Variants in LYPD6B observed in about 807,000 individuals in gnomAD.
LYPD6B encodes LY6/PLAUR domain containing 6B, also known as ly6/PLAUR domain-containing protein 6B.
A neutral mutation model predicts 22.8 loss-of-function variants in LYPD6B; 17 were observed. The observed-to-expected ratio is 0.75, with a 90% CI of 0.51 to 1.12. The LOEUF (loss-of-function observed/expected upper bound fraction) is 1.12, where lower values mean the gene tolerates loss of function less well. Ranked by LOEUF, LYPD6B falls within the 50% of genes most tolerant of loss-of-function variation. The probability of loss-of-function intolerance (pLI) is 0.00; values close to 1 mark genes in which losing one functional copy is unlikely to be tolerated. For missense variants in LYPD6B, 221 were observed against 258.3 expected, an observed-to-expected ratio of 0.86 and a Z score of 0.99; for synonymous variants, 106 against 91.6, an observed-to-expected ratio of 1.16 and a Z score of -0.90.
At chr2:149,156,579 T>C (rs906986142) in intron 2 of LYPD6B, among the ~76,000 whole-genome samples, 7 of 152,202 alleles carry the variant, frequency 4.6e-5, no homozygotes, top group Non-Finnish European at 7.3e-5. Context: ...CTGTGGATGG[T>C]CTTCTCCCTG....
intron 3 of LYPD6B, among the ~76,000 whole-genome samples, chr2:149,199,819 C>A (rs999968603): frequency 6.6e-6 from 1 of 152,184 alleles, no homozygotes; most frequent in Admixed American, 6.5e-5. Flanking sequence ...GGGTTCCCAA[C>A]GCCCAGGGAA....
intron 1 of LYPD6B, among the ~76,000 whole-genome samples, chr2:149,048,814 C>T (rs1237459716): frequency 6.6e-6 from 1 of 152,106 alleles, no homozygotes; most frequent in African/African-American, 2.4e-5. Flanking sequence ...TTGTAAAATA[C>T]TGGTGTCGTT....
At chr2:149,117,305 C>G (rs1015200676) in intron 1 of LYPD6B, among the ~76,000 whole-genome samples, 2 of 148,994 alleles carry the variant, frequency 1.3e-5, no homozygotes, top group Non-Finnish European at 2.9e-5. Context: ...GAGTCTCCCT[C>G]TGTCGCTCAG....
chr2:149,143,513 C>CAAA (rs201618713), intron 2 of LYPD6B, among the ~76,000 whole-genome samples: 13 of 129,776 alleles, frequency 1.0e-4, no homozygotes, highest in African/African-American at 3.1e-4. Context: ...ACATGTGACG[C>CAAA]AAAAAAAAAA....
chr2:149,176,820 C>T (rs10183565), intron 3 of LYPD6B, among the ~76,000 whole-genome samples: 26,547 of 152,132 alleles, frequency 0.17, 2,472 homozygotes, highest in East Asian at 0.35. Flanking sequence ...TTCTAAAAGA[C>T]GTCCCATGCA....
At position 149,186,580 on chromosome 2, in the gene LYPD6B, G is replaced by C. The variant is rs116582928; in HGVS notation, c.78-18673G>C. 2.4e-3 allele frequency among the ~76,000 whole-genome samples: 367 copies of C among 152,302 alleles called. 1 individual carries two copies. The highest frequency in any genetic ancestry group is 8.4e-3 in the African/African-American group (348 of 41,570). The stretch of plus-strand genomic sequence containing the variant: ...CTAGCTAAGATCATTGATGAAGGTA[G>C]TTACACTAAACAACAGTTTTTTGTT... On this transcript the variant is annotated intron_variant, in intron 3 of 6. Transcript: ENST00000409642.
At chr2:149,120,315 A>G (rs201067297) in intron 1 of LYPD6B, among the ~76,000 whole-genome samples, 9 of 114,388 alleles carry the variant, frequency 7.9e-5, no homozygotes, top group East Asian at 4.0e-4. Context: ...ATATATGTGT[A>G]TATATATGTG....
chr2:149,067,382 A>T (rs1224370628), intron 1 of LYPD6B, among the ~76,000 whole-genome samples: 1 of 152,140 alleles, frequency 6.6e-6, no homozygotes, highest in Non-Finnish European at 1.5e-5. Context: ...ATCTTTTAAA[A>T]AGTTGTTTTC....
At chr2:149,147,867 C>T (rs564462730) in intron 2 of LYPD6B, among the ~76,000 whole-genome samples, 4 of 148,534 alleles carry the variant, frequency 2.7e-5, no homozygotes, top group Non-Finnish European at 4.4e-5. Context: ...GTAGGGCAGG[C>T]TTGGCTGATT....
intron 3 of LYPD6B, chr2:149,200,755 T>C (rs779446446): frequency 3.9e-5 from 6 of 152,224 alleles, no homozygotes; most frequent in Non-Finnish European, 8.8e-5. Context: ...AGGTGGGGTT[T>C]CCTAAATTTA....
chr2:149,145,004 C>T (rs141206024), intron 2 of LYPD6B, among the ~76,000 whole-genome samples: 307 of 152,192 alleles, frequency 2.0e-3, no homozygotes, highest in African/African-American at 7.1e-3. Context: ...CCTGAGAACC[C>T]CCTAAACTGA....
chr2:149,196,993 A>G (rs999819083), intron 3 of LYPD6B, among the ~76,000 whole-genome samples: 1 of 152,214 alleles, frequency 6.6e-6, no homozygotes, highest in Non-Finnish European at 1.5e-5. Context: ...GCTGCAGGAC[A>G]TTTCAGCCTC....
intron 2 of LYPD6B, among the ~76,000 whole-genome samples, chr2:149,159,358 T>C (rs543540974): frequency 6.6e-6 from 1 of 152,334 alleles, no homozygotes; most frequent in East Asian, 1.9e-4. Flanking sequence ...CTTCTTTGCT[T>C]TGGCTACTAG....
At chr2:149,039,204 T>C (rs1682953504) in intron 1 of LYPD6B, among the ~76,000 whole-genome samples, 1 of 152,310 alleles carries the variant, frequency 6.6e-6, no homozygotes, top group Admixed American at 6.5e-5. Flanking sequence ...AGGCCGATCG[T>C]GGGGCCAAGA....
At position 149,205,269 on chromosome 2, in the gene LYPD6B, C is replaced by T. The variant is rs556085635; in HGVS notation, c.94C>T (p.Arg32Cys). Residue 32 changes from arginine to cysteine, a missense_variant, in exon 4 of 7, where the codon CGC becomes TGC. By Grantham distance (180) the Arg-to-Cys change is radical (BLOSUM62 -3). Transcript: ENST00000409642. ...FSFSRYKSSD[R>C]PAHKVSMLLL... ...TCACCATAGATATAAGAGTTCGGAC[C>T]GCCCAGCACACAAGGTCAGCATGCT... 233 of 1,612,302 alleles carry T rather than the reference C, an allele frequency of 1.4e-4. 1 individual carries two copies. The South Asian group carries it at 2.0e-3, about 13-fold the overall frequency.
chr2:149,130,848 GT>G (rs1395701953), intron 1 of LYPD6B, 34 bp from the exon 2 acceptor site: 6 of 892,024 alleles, frequency 6.7e-6, no homozygotes, highest in Non-Finnish European at 1.1e-5. Flanking sequence ...TATAATATCA[GT>G]CATAATGATA....
At chr2:149,160,857 A>G in intron 3 of LYPD6B, 22 bp downstream of exon 3, 1 of 1,523,250 alleles carries the variant, frequency 6.6e-7, no homozygotes, top group Non-Finnish European at 8.9e-7. Context: ...AGCTGTTACA[A>G]CAGCCCTCGG....
intron 3 of LYPD6B, among the ~76,000 whole-genome samples, chr2:149,191,800 G>A (rs1361066226): frequency 1.3e-5 from 2 of 152,184 alleles, no homozygotes; most frequent in African/African-American, 2.4e-5. Flanking sequence ...ACTAGTAATA[G>A]CATCCTGCTA....
intron 4 of LYPD6B, 26 bp downstream of exon 4, chr2:149,205,430 G>T: frequency 1.2e-6 from 2 of 1,610,724 alleles, no homozygotes; most frequent in Non-Finnish European, 1.7e-6. Context: ...TGCCATCCTA[G>T]TTCATGGCTG....
Sources: allele counts gnomAD v4.1 joint callset (sites outside exome capture counted in the v4.1 genomes callset), GRCh38; gene constraint gnomAD v4.1.1; transcripts MANE v1.5; gene names NCBI Gene and HGNC (gene_info 2026-07-23, HGNC 2026-07-21).